Variants in FOXN3 observed in about 807,000 individuals in gnomAD.
FOXN3 encodes forkhead box N3.
Under a neutral mutation model 38.4 loss-of-function variants are expected in FOXN3, and 7 were observed. That is an observed-to-expected ratio of 0.18 (90% CI 0.10 to 0.34). FOXN3 has a LOEUF of 0.34. Ranked by LOEUF, FOXN3 falls within the 10% of genes least tolerant of loss-of-function variation. The pLI, the probability that FOXN3 is intolerant of heterozygous loss-of-function variation, is 1.00. For synonymous variants in FOXN3, 230 were observed against 242.2 expected (o/e 0.95, Z 0.47); for missense variants, 456 against 613.4 (o/e 0.74, Z 2.71).
intron 1 of FOXN3, among the ~76,000 whole-genome samples, chr14:89,522,397 C>T (rs1369835534): frequency 6.6e-6 from 1 of 152,112 alleles, no homozygotes; most frequent in Non-Finnish European, 1.5e-5. Context: ...GACAGTGATA[C>T]CAGATGGAAC....
chr14:89,586,486 G>A (rs977420409), intron 1 of FOXN3, among the ~76,000 whole-genome samples: 10 of 152,304 alleles, frequency 6.6e-5, no homozygotes, highest in East Asian at 5.8e-4. Context: ...TGTGAGGTTC[G>A]TGAAGATGTC....
intron 2 of FOXN3, among the ~76,000 whole-genome samples, chr14:89,410,592 G>A (rs1891517329): frequency 6.6e-6 from 1 of 152,146 alleles, no homozygotes; most frequent in Non-Finnish European, 1.5e-5. Flanking sequence ...ACAAAAATAG[G>A]CCAGGCGTGG....
chr14:89,579,624 T>TCCAG (rs375828023), intron 1 of FOXN3, among the ~76,000 whole-genome samples: 303 of 151,990 alleles, frequency 2.0e-3, no homozygotes, highest in African/African-American at 7.0e-3. Flanking sequence ...CTCACCAACC[T>TCCAG]CCAGCCACAC....
chr14:89,391,415 G>A (rs1193219885), intron 2 of FOXN3, among the ~76,000 whole-genome samples: 1 of 152,168 alleles, frequency 6.6e-6, no homozygotes, highest in Admixed American at 6.5e-5. Flanking sequence ...CTCTGCCTCT[G>A]TACCAAGAAT....
At chr14:89,194,892 T>G (rs1225219839) in intron 4 of FOXN3, among the ~76,000 whole-genome samples, 1 of 152,170 alleles carries the variant, frequency 6.6e-6, no homozygotes, top group South Asian at 2.1e-4. Flanking sequence ...TACGTACTCA[T>G]GCATGCAAAT....
At chr14:89,194,340 G>A (rs1888041185) in intron 4 of FOXN3, among the ~76,000 whole-genome samples, 1 of 152,080 alleles carries the variant, frequency 6.6e-6, no homozygotes, top group African/African-American at 2.4e-5. Context: ...CCAATATCCA[G>A]ATTTACAGGC....
At chr14:89,468,832 GT>G (rs1233652387) in intron 1 of FOXN3, among the ~76,000 whole-genome samples, 1 of 152,150 alleles carries the variant, frequency 6.6e-6, no homozygotes, top group Non-Finnish European at 1.5e-5. Context: ...TTATTCACCA[GT>G]TGTTAATACT....
chr14:89,434,966 A>T (rs569580071), intron 1 of FOXN3, among the ~76,000 whole-genome samples: 46 of 152,342 alleles, frequency 3.0e-4, no homozygotes, highest in African/African-American at 1.1e-3. Flanking sequence ...GGTACAGATC[A>T]ACCTTAGTCA....
At chr14:89,554,168 A>G (rs1045067916) in intron 1 of FOXN3, among the ~76,000 whole-genome samples, 2 of 151,956 alleles carry the variant, frequency 1.3e-5, no homozygotes, top group Non-Finnish European at 2.9e-5. Context: ...TACCCGGCTA[A>G]TTTTTGTATT....
chr14:89,465,605 T>C (rs1456605216), intron 1 of FOXN3, among the ~76,000 whole-genome samples: 1 of 152,262 alleles, frequency 6.6e-6, no homozygotes, highest in East Asian at 1.9e-4. Flanking sequence ...GGTTATGTTT[T>C]GTACCACTGT....
At chr14:89,480,634 C>G (rs1893307331) in intron 1 of FOXN3, among the ~76,000 whole-genome samples, 1 of 151,786 alleles carries the variant, frequency 6.6e-6, no homozygotes. Flanking sequence ...AAGCAATTTG[C>G]TATAGGCAAC....
At chr14:89,564,586 G>T (rs886911067) in intron 1 of FOXN3, among the ~76,000 whole-genome samples, 2 of 152,146 alleles carry the variant, frequency 1.3e-5, no homozygotes, top group Admixed American at 6.5e-5. Flanking sequence ...ATTCACCGCA[G>T]TTTAAAGTCT....
chr14:89,436,778 T>C (rs1006159575), intron 1 of FOXN3, among the ~76,000 whole-genome samples: 1 of 152,206 alleles, frequency 6.6e-6, no homozygotes, highest in African/African-American at 2.4e-5. Flanking sequence ...GTTTGACAAG[T>C]TTAGAGGCCA....
At chr14:89,208,138 A>C (rs1003632727) in intron 4 of FOXN3, among the ~76,000 whole-genome samples, 3 of 152,206 alleles carry the variant, frequency 2.0e-5, no homozygotes, top group African/African-American at 7.2e-5. Flanking sequence ...TCATAATTAT[A>C]GTTCTCTTTT....
rs1197630812 is a variant in FOXN3, at chr14:89,434,221, C to CTT, written c.-14-21733_-14-21732dup. Among the ~76,000 whole-genome samples the CTT allele has an allele frequency of 5.6e-3, 704 of 124,704 alleles. 10 individuals are homozygous for CTT. Among genetic ancestry groups the CTT allele is most frequent in the African/African-American group, 0.019 (630 of 32,416 alleles). 81.8% of individuals were successfully genotyped at this position (124,704 alleles called of 152,430 possible). On this transcript the variant is annotated intron_variant, in intron 1 of 6. Transcript: ENST00000345097. The stretch of plus-strand genomic sequence containing the variant: ...TACAGACGTGAGTCACTGCGCAAGC[C>CTT]TTTTTTTTTTTTTTTTTTTAAGATG...
chr14:89,360,196 C>T (rs189318272), intron 2 of FOXN3, among the ~76,000 whole-genome samples: 2 of 152,272 alleles, frequency 1.3e-5, no homozygotes, highest in Admixed American at 6.5e-5. Context: ...AAAACTGCCT[C>T]CTCCTCTGGA....
intron 1 of FOXN3, among the ~76,000 whole-genome samples, chr14:89,415,961 C>G (rs898881716): frequency 6.6e-6 from 1 of 151,970 alleles, no homozygotes; most frequent in Non-Finnish European, 1.5e-5. Flanking sequence ...GGCAAGAAAG[C>G]TTAGTTTCTC....
chr14:89,250,753 C>T (rs892181618), intron 4 of FOXN3, among the ~76,000 whole-genome samples: 2 of 152,192 alleles, frequency 1.3e-5, no homozygotes, highest in African/African-American at 4.8e-5. Context: ...TGGGAGAGAC[C>T]TGGTGGGAGG....
intron 4 of FOXN3, among the ~76,000 whole-genome samples, chr14:89,254,681 C>A (rs545696403): frequency 4.2e-4 from 64 of 152,302 alleles, no homozygotes; most frequent in African/African-American, 1.3e-3. Context: ...GCTGGCTCTG[C>A]TCCCGGGGCC....
Sources: allele counts gnomAD v4.1 joint callset (sites outside exome capture counted in the v4.1 genomes callset), GRCh38; gene constraint gnomAD v4.1.1; transcripts MANE v1.5; gene names NCBI Gene and HGNC (gene_info 2026-07-23, HGNC 2026-07-21).